CLIC5: variants seen among roughly 807,000 people sequenced by gnomAD.
CLIC5 encodes CLIC family member 5.
In CLIC5, 20 loss-of-function variants were observed where a neutral mutation model predicts 24.7. The observed-to-expected ratio is 0.81, with a 90% CI of 0.57 to 1.18. The LOEUF is 1.18. CLIC5 is among the 50% of genes most tolerant of loss of function. CLIC5 has a pLI of 0.00. For missense variants in CLIC5, 341 were observed against 326.1 expected (o/e 1.05, Z -0.35); for synonymous variants, 159 against 135.6 (o/e 1.17, Z -1.20).
chr6:46,011,278 C>T (rs765586861), intron 1 of CLIC5, among the ~76,000 whole-genome samples: 11 of 152,198 alleles, frequency 7.2e-5, no homozygotes, highest in East Asian at 1.9e-4. Flanking sequence ...CACTTCTGAC[C>T]GTGATGCCCT....
intron 1 of CLIC5, among the ~76,000 whole-genome samples, chr6:46,046,214 G>A (rs1012094287): frequency 1.3e-5 from 2 of 152,114 alleles, no homozygotes; most frequent in Admixed American, 6.6e-5. Context: ...TTTTCCTCTT[G>A]GGGTTTTAGT....
At chr6:46,110,733 G>T in the CLIC5 span, among the ~76,000 whole-genome samples, 1 of 152,120 alleles carries the variant, frequency 6.6e-6, no homozygotes. Flanking sequence ...AATTCATGTG[G>T]ATATTACAAG....
intron 3 of CLIC5, among the ~76,000 whole-genome samples, chr6:45,944,489 C>T (rs1764226847): frequency 7.8e-6 from 1 of 127,612 alleles, no homozygotes; most frequent in Non-Finnish European, 1.6e-5. Context: ...TTTAGGATAT[C>T]TTATTTCAAA....
At chr6:46,126,377 A>G in the CLIC5 span, among the ~76,000 whole-genome samples, 4 of 152,208 alleles carry the variant, frequency 2.6e-5, no homozygotes, top group African/African-American at 7.2e-5. Flanking sequence ...TGCTCTCCAC[A>G]TAGGAAAGCC....
At chr6:45,928,523 A>G (rs1348926206) in intron 4 of CLIC5, among the ~76,000 whole-genome samples, 1 of 152,206 alleles carries the variant, frequency 6.6e-6, no homozygotes, top group Non-Finnish European at 1.5e-5. Flanking sequence ...GATACTTTCA[A>G]CCTACACACA....
intron 1 of CLIC5, among the ~76,000 whole-genome samples, chr6:45,973,839 A>G (rs1197420378): frequency 6.6e-6 from 1 of 152,046 alleles, no homozygotes; most frequent in African/African-American, 2.4e-5. Context: ...CTGAGGCAGG[A>G]GAATCACTTG....
chr6:46,017,331 A>G (rs1328903386), upstream of CLIC5, among the ~76,000 whole-genome samples: 1 of 152,232 alleles, frequency 6.6e-6, no homozygotes, highest in South Asian at 2.1e-4. Flanking sequence ...AAAAATAAGT[A>G]ATAATACTTA....
chr6:46,021,721 T>C (rs1057454115), intron 1 of CLIC5, among the ~76,000 whole-genome samples: 3 of 152,184 alleles, frequency 2.0e-5, no homozygotes, highest in African/African-American at 4.8e-5. Context: ...TTACATGACA[T>C]TCTGGAAAAT....
chr6:46,088,067 T>G, the CLIC5 span, among the ~76,000 whole-genome samples: 1 of 152,030 alleles, frequency 6.6e-6, no homozygotes, highest in African/African-American at 2.4e-5. Flanking sequence ...GATTTTATCA[T>G]TTAGGGATTT....
chr6:45,915,069 A>C (rs1392885667), intron 4 of CLIC5, among the ~76,000 whole-genome samples: 2 of 151,242 alleles, frequency 1.3e-5, no homozygotes, highest in South Asian at 4.2e-4. Context: ...AGCTGGGATT[A>C]CAGGCACAAG....
intron 1 of CLIC5, among the ~76,000 whole-genome samples, chr6:46,006,681 C>CT (rs34501921): frequency 0.056 from 7,713 of 138,802 alleles, 490 homozygotes; most frequent in African/African-American, 0.15. Context: ...CTTTTTTTTC[C>CT]TTTTTTTTTT....
chr6:45,949,396 A>C lies in CLIC5; in HGVS notation c.174-15T>G. ...CAGCTGGCTTTCTGTAGAGAGAGCAAGATTCAGGTGTTGGCTTACAGCAGG... is the reference window on the plus strand; with the variant it reads ...CAGCTGGCTTTCTGTAGAGAGAGCACGATTCAGGTGTTGGCTTACAGCAGG... On this transcript the variant is annotated splice_polypyrimidine_tract_variant and intron_variant, in intron 2 of 5. Coordinates refer to ENST00000339561, the MANE Select transcript of CLIC5 (RefSeq NM_016929.5). The C allele has an allele frequency of 6.2e-7, 1 of 1,610,258 alleles. No individual in the cohort carries two copies. Among genetic ancestry groups the C allele is most frequent in the Non-Finnish European group, 8.5e-7 (1 of 1,178,298 alleles).
In CLIC5 at chr6:46,003,042, A is replaced by G. The variant is rs144145345; in HGVS notation, c.63+12438T>C. Among the ~76,000 whole-genome samples, 341 of 152,350 alleles carry G rather than the reference A, an allele frequency of 2.2e-3. 5 individuals carry two copies. Among genetic ancestry groups the G allele is most frequent in the African/African-American group, 7.1e-3 (296 of 41,588 alleles). ...GGGATGAAGTTTGAAGCCAGGCTCT[A>G]CAATGTCCTAGCTTTGTGCATTTAT... On this transcript the variant is annotated intron_variant, in intron 1 of 5. Transcript: ENST00000339561.
In CLIC5 at chr6:46,015,339, G is replaced by C. The variant is rs115982120; in HGVS notation, c.63+141C>G. ...CCAGGAGCCTCGCAGCGGGGCGCTGGCCTGCGGAAAGGCCACGGGGGAGCA... is the reference window on the plus strand; with the variant it reads ...CCAGGAGCCTCGCAGCGGGGCGCTGCCCTGCGGAAAGGCCACGGGGGAGCA... On this transcript the variant is annotated intron_variant, in intron 1 of 5. Coordinates refer to ENST00000339561, the MANE Select transcript of CLIC5 (RefSeq NM_016929.5). 4.3e-3 allele frequency: 3,333 copies of C among 771,176 alleles called. 101 individuals carry two copies. In the African/African-American group the frequency reaches 0.056, roughly 13 times the overall value. The allele number at this position is 771,176 out of a possible 1,614,324, so 47.8% of individuals were successfully genotyped here.
chr6:45,986,773 A>G (rs59998948), intron 1 of CLIC5, among the ~76,000 whole-genome samples: 75,344 of 152,022 alleles, frequency 0.5, 19,403 homozygotes, highest in East Asian at 0.77. Context: ...GTAAGGATAC[A>G]ATCTCCCCTG....
chr6:45,989,238 T>C (rs868859052), intron 1 of CLIC5, among the ~76,000 whole-genome samples: 3 of 152,204 alleles, frequency 2.0e-5, no homozygotes, highest in South Asian at 4.1e-4. Context: ...GAGAACATTG[T>C]CTCCTTTCCT....
At chr6:45,961,513 C>T (rs1488655530) in intron 1 of CLIC5, among the ~76,000 whole-genome samples, 1 of 152,186 alleles carries the variant, frequency 6.6e-6, no homozygotes, top group East Asian at 1.9e-4. Flanking sequence ...GTGGCAAAGG[C>T]CACATGAAAA....
chr6:45,994,407 G>A (rs10807331), intron 1 of CLIC5, among the ~76,000 whole-genome samples: 50,160 of 151,760 alleles, frequency 0.33, 8,474 homozygotes, highest in Middle Eastern at 0.44. Context: ...ACCAAACACC[G>A]CATGTTCTCA....
upstream of CLIC5, among the ~76,000 whole-genome samples, chr6:46,081,473 T>C (rs1215505159): frequency 2.0e-5 from 3 of 152,176 alleles, no homozygotes; most frequent in Non-Finnish European, 4.4e-5. Context: ...CCAGGAATCT[T>C]CTACTGGGAA....
Sources: gnomAD v4.1 joint callset for allele counts (sites outside exome capture counted in the v4.1 genomes callset) on GRCh38, gnomAD v4.1.1 for gene constraint, MANE v1.5 for transcripts, NCBI Gene and HGNC (gene_info 2026-07-23, HGNC 2026-07-21) for gene names.